AMD1: variants seen among roughly 807,000 people sequenced by gnomAD.
AMD1 encodes S-adenosylmethionine decarboxylase proenzyme.
In AMD1, 11 loss-of-function variants were observed where a neutral mutation model predicts 40.2. The ratio of observed to expected loss-of-function variants is 0.27; its 90% confidence interval spans 0.17 to 0.45. The LOEUF (loss-of-function observed/expected upper bound fraction) is 0.45. AMD1 is among the 20% of genes least tolerant of loss of function. AMD1 has a pLI of 1.00. For synonymous variants in AMD1, 121 were observed against 130.8 expected (o/e 0.93, Z 0.51); for missense variants, 257 against 410.2 (o/e 0.63, Z 3.23).
the AMD1 span, among the ~76,000 whole-genome samples, chr6:110,821,809 C>T: frequency 6.6e-6 from 1 of 152,086 alleles, no homozygotes; most frequent in Non-Finnish European, 1.5e-5. Context: ...CTTTGGGATA[C>T]AGCAAAAGCA....
chr6:110,832,263 C>T, the AMD1 span, among the ~76,000 whole-genome samples: 1 of 151,992 alleles, frequency 6.6e-6, no homozygotes, highest in African/African-American at 2.4e-5. Context: ...CTTTAGCCCC[C>T]CAAAGTGCTG....
the AMD1 span, among the ~76,000 whole-genome samples, chr6:110,859,298 C>T: frequency 6.6e-6 from 1 of 151,772 alleles, no homozygotes; most frequent in African/African-American, 2.4e-5. Flanking sequence ...GGTCTTTCTT[C>T]CCCCTTGCCT....
the AMD1 span, among the ~76,000 whole-genome samples, chr6:110,821,846 A>C: frequency 6.6e-6 from 1 of 152,208 alleles, no homozygotes; most frequent in Non-Finnish European, 1.5e-5. Context: ...TTTTAGTGCT[A>C]AATGCCTACA....
chr6:110,857,770 G>GTA, the AMD1 span, among the ~76,000 whole-genome samples: 2,694 of 142,078 alleles, frequency 0.019, 67 homozygotes, highest in African/African-American at 0.061. Flanking sequence ...TAGATGGTGT[G>GTA]TATATATATA....
the AMD1 span, among the ~76,000 whole-genome samples, chr6:110,836,217 G>A: frequency 4.9e-3 from 740 of 152,158 alleles, 4 homozygotes; most frequent in Non-Finnish European, 7.5e-3. Flanking sequence ...AATTAGACAA[G>A]TGTGCAAAGA....
the AMD1 span, among the ~76,000 whole-genome samples, chr6:110,855,524 C>A: frequency 1.3e-5 from 2 of 152,126 alleles, no homozygotes; most frequent in Non-Finnish European, 1.5e-5. Flanking sequence ...AAAACTGCTG[C>A]AAGCCAGGCT....
intron 1 of AMD1, among the ~76,000 whole-genome samples, chr6:110,878,943 A>G (rs1785252655): frequency 6.6e-6 from 1 of 152,218 alleles, no homozygotes; most frequent in Non-Finnish European, 1.5e-5. Flanking sequence ...TTATTGCAAT[A>G]TCAATAATTT....
the AMD1 span, among the ~76,000 whole-genome samples, chr6:110,824,727 C>T: frequency 6.6e-6 from 1 of 151,024 alleles, no homozygotes; most frequent in African/African-American, 2.4e-5. Context: ...TTTTTGGTAA[C>T]AAAAAAAAGC....
chr6:110,815,252 C>CGT, the AMD1 span: 1 of 1,186,718 alleles, frequency 8.4e-7, no homozygotes, highest in Non-Finnish European at 1.1e-6. Context: ...CGCGCGCGCG[C>CGT]GCGCGCCGCC....
At chr6:110,849,883 T>C in the AMD1 span, among the ~76,000 whole-genome samples, 1 of 151,818 alleles carries the variant, frequency 6.6e-6, no homozygotes, top group Non-Finnish European at 1.5e-5. Flanking sequence ...TAGCCAGGCA[T>C]GGTGGTGCAC....
upstream of AMD1, among the ~76,000 whole-genome samples, chr6:110,871,058 A>G (rs764233079): frequency 1.3e-5 from 2 of 152,208 alleles, no homozygotes; most frequent in Non-Finnish European, 2.9e-5. Flanking sequence ...AAAATGACCT[A>G]AAGGGAGACA....
chr6:110,834,064 G>A, the AMD1 span, among the ~76,000 whole-genome samples: 1 of 152,072 alleles, frequency 6.6e-6, no homozygotes, highest in Non-Finnish European at 1.5e-5. Flanking sequence ...CTGTGTAGCT[G>A]GGACCACAGG....
the AMD1 span, among the ~76,000 whole-genome samples, chr6:110,867,829 A>G: frequency 6.6e-6 from 1 of 152,262 alleles, no homozygotes; most frequent in African/African-American, 2.4e-5. Context: ...ATCTGCAAAC[A>G]GCACATTACA....
the AMD1 span, among the ~76,000 whole-genome samples, chr6:110,828,350 C>T: frequency 6.6e-6 from 1 of 151,698 alleles, no homozygotes; most frequent in Non-Finnish European, 1.5e-5. Flanking sequence ...GAGAGAATCG[C>T]TTCAACCCAG....
At chr6:110,831,247 G>A in the AMD1 span, among the ~76,000 whole-genome samples, 1 of 151,886 alleles carries the variant, frequency 6.6e-6, no homozygotes. Flanking sequence ...AGACCAGTCT[G>A]GCCAACATAG....
intron 1 of AMD1, among the ~76,000 whole-genome samples, chr6:110,880,285 C>A (rs1202393710): frequency 6.6e-6 from 1 of 152,058 alleles, no homozygotes. Flanking sequence ...TGGATATTGA[C>A]CCCTTATGAG....
chr6:110,828,325 G>A, the AMD1 span, among the ~76,000 whole-genome samples: 2 of 151,926 alleles, frequency 1.3e-5, no homozygotes, highest in African/African-American at 4.8e-5. Flanking sequence ...CCACCTACTC[G>A]GGAGGCTGAG....
At chr6:110,872,702 A>C (rs1314289079), upstream of AMD1, among the ~76,000 whole-genome samples, 3 of 152,222 alleles carry the variant, frequency 2.0e-5, no homozygotes, top group Admixed American at 6.5e-5. Context: ...AAAATGATAT[A>C]TTTTACAAAG....
chr6:110,828,851 G>A, the AMD1 span, among the ~76,000 whole-genome samples: 1 of 152,116 alleles, frequency 6.6e-6, no homozygotes, highest in Admixed American at 6.5e-5. Context: ...CAACTAGGTT[G>A]GGTGCCTTTC....
Sources: gnomAD v4.1 joint callset for allele counts (sites outside exome capture counted in the v4.1 genomes callset) on GRCh38, gnomAD v4.1.1 for gene constraint, MANE v1.5 for transcripts, NCBI Gene and HGNC (gene_info 2026-07-23, HGNC 2026-07-21) for gene names.